The following NCKAP5 variants were observed in gnomAD, a reference collection of about 807,000 sequenced individuals.
NCKAP5 encodes the protein NCK associated protein 5.
NCKAP5 carries 92 observed loss-of-function variants against 167.0 expected under a neutral mutation model. The observed-to-expected ratio is 0.55, with a 90% CI of 0.47 to 0.66. The LOEUF (loss-of-function observed/expected upper bound fraction) is 0.66. Ranked by LOEUF, NCKAP5 falls within the 30% of genes least tolerant of loss-of-function variation. The probability of loss-of-function intolerance (pLI) is 0.00; values close to 1 mark genes in which losing one functional copy is unlikely to be tolerated. For synonymous variants in NCKAP5, 891 were observed against 877.4 expected (o/e 1.02, Z -0.27); for missense variants, 2,378 against 2,315.0 (o/e 1.03, Z -0.56).
At chr2:133,299,558 C>A (rs977748330) in intron 4 of NCKAP5, among the ~76,000 whole-genome samples, 7 of 152,050 alleles carry the variant, frequency 4.6e-5, no homozygotes, top group Non-Finnish European at 1.0e-4. Context: ...ACCAGCCTGG[C>A]CAACATGGTG....
chr2:132,802,787 G>A (rs1042513310), intron 11 of NCKAP5, among the ~76,000 whole-genome samples: 9 of 152,162 alleles, frequency 5.9e-5, no homozygotes, highest in Admixed American at 1.3e-4. Flanking sequence ...CAATTTTTCT[G>A]TAGAAGCCAA....
chr2:133,526,237 G>GAAGGA (rs1684893309), intron 2 of NCKAP5, among the ~76,000 whole-genome samples: 2 of 46,724 alleles, frequency 4.3e-5, no homozygotes, highest in African/African-American at 1.0e-4. Context: ...GAAAGGAAAG[G>GAAGGA]AGGGAGGGAA....
Position 132,892,945 on chromosome 2 carries a change from T to C in NCKAP5, c.580-14029A>G, listed in dbSNP as rs142970969. ...AGGTAATTCAGGTCAGGAAAAAGAC[T>C]GAGAATTTCTCTAGAAATAGGAATT... On this transcript the variant is annotated intron_variant, in intron 8 of 19. Transcript: ENST00000409261. Among the ~76,000 whole-genome samples the C allele has an allele frequency of 5.5e-3, 791 of 144,452 alleles. 13 individuals carry two copies. The highest frequency in any genetic ancestry group is 0.019 in the African/African-American group (754 of 38,832). 94.8% of individuals were successfully genotyped at this position (144,452 alleles called of 152,430 possible).
chr2:133,336,656 G>T (rs369429165), intron 3 of NCKAP5, among the ~76,000 whole-genome samples: 1 of 152,046 alleles, frequency 6.6e-6, no homozygotes, highest in Admixed American at 6.6e-5. Context: ...ACCAAATTTG[G>T]TAAAATAAAA....
chr2:132,930,590 C>G (rs971149301), intron 8 of NCKAP5: 2 of 152,194 alleles, frequency 1.3e-5, no homozygotes, highest in African/African-American at 4.8e-5. Context: ...TTACCAGTGG[C>G]CTCCCAGTTC....
At chr2:133,585,056 A>T in the NCKAP5 span, among the ~76,000 whole-genome samples, 2 of 152,126 alleles carry the variant, frequency 1.3e-5, no homozygotes, top group Non-Finnish European at 2.9e-5. Context: ...TAATTGTGAG[A>T]TGACAAATTT....
chr2:132,857,687 G>A lies in NCKAP5; in HGVS notation c.807+2805C>T, dbSNP rs568467235. On this transcript the variant is annotated intron_variant, in intron 11 of 19. Coordinates refer to ENST00000409261, the MANE Select transcript of NCKAP5 (RefSeq NM_207363.3). ...CCAATGTTGATTTTAATATGGAGGG[G>A]GGTCTTGTTAATCTGATTTATTGCC... Among the ~76,000 whole-genome samples, 3 of 152,256 alleles carry A rather than the reference G, an allele frequency of 2.0e-5. No homozygotes were observed. The South Asian group carries it at 6.2e-4, about 32-fold the overall frequency.
intron 3 of NCKAP5, among the ~76,000 whole-genome samples, chr2:133,329,528 G>C (rs1682687682): frequency 6.6e-6 from 1 of 152,096 alleles, no homozygotes; most frequent in Non-Finnish European, 1.5e-5. Flanking sequence ...GACAAAAGTG[G>C]GGGGTATTGA....
chr2:133,625,625 C>T, the NCKAP5 span, among the ~76,000 whole-genome samples: 1 of 152,124 alleles, frequency 6.6e-6, no homozygotes, highest in African/African-American at 2.4e-5. Flanking sequence ...TAATAAGTCA[C>T]TTTGGGAGGC....
chr2:133,643,181 C>G, the NCKAP5 span, among the ~76,000 whole-genome samples: 1 of 152,170 alleles, frequency 6.6e-6, no homozygotes, highest in South Asian at 2.1e-4. Context: ...TGTTCATCAA[C>G]AAGTCTGCAC....
chr2:132,727,502 A>G (rs1021191786), intron 18 of NCKAP5, among the ~76,000 whole-genome samples: 1 of 152,226 alleles, frequency 6.6e-6, no homozygotes, highest in Non-Finnish European at 1.5e-5. Flanking sequence ...CTTACTCCGT[A>G]TATGCCAAAT....
intron 3 of NCKAP5, among the ~76,000 whole-genome samples, chr2:133,368,639 T>A (rs1685601141): frequency 6.6e-6 from 1 of 152,232 alleles, no homozygotes; most frequent in Non-Finnish European, 1.5e-5. Context: ...TCTCCATTTC[T>A]CCAGGCTGCA....
intron 3 of NCKAP5, among the ~76,000 whole-genome samples, chr2:133,392,426 C>T (rs1176566196): frequency 6.6e-6 from 1 of 152,144 alleles, no homozygotes; most frequent in African/African-American, 2.4e-5. Flanking sequence ...TGATGCATTT[C>T]TCAGAATACA....
intron 11 of NCKAP5, among the ~76,000 whole-genome samples, chr2:132,821,256 G>T (rs909415218): frequency 2.6e-5 from 4 of 152,168 alleles, no homozygotes; most frequent in Non-Finnish European, 5.9e-5. Flanking sequence ...TCCCCACTGG[G>T]GAATCTGAAA....
In NCKAP5 at chr2:132,782,164, T is replaced by A; in HGVS notation, c.4647A>T (p.Ser1549=). ...GCTTCTTTTTCTCTTTTTTTCTTTC[T>A]GATTTTAGTTGTCTGTTTCCAAACC... ...VLGFGNRQLK[S]ERKKEKKKPE... The change falls in exon 14 of 20, where the codon TCA becomes TCT. Residue 1549 remains serine, a synonymous_variant. Transcript: ENST00000409261. 1 of 1,608,784 alleles carries A rather than the reference T, an allele frequency of 6.2e-7. No homozygotes were observed. The highest frequency in any genetic ancestry group is 8.5e-7 in the Non-Finnish European group (1 of 1,178,770).
chr2:133,117,279 G>GATAACT (rs1487236092), intron 6 of NCKAP5: 2 of 152,316 alleles, frequency 1.3e-5, no homozygotes, highest in East Asian at 3.9e-4. Flanking sequence ...AAATAAATGA[G>GATAACT]ATAACTGTTC....
intron 6 of NCKAP5, among the ~76,000 whole-genome samples, chr2:133,129,361 T>G (rs1450163510): frequency 2.6e-5 from 4 of 152,118 alleles, no homozygotes; most frequent in African/African-American, 9.7e-5. Flanking sequence ...TTTTTTGTCC[T>G]TGTGATAGTT....
intron 19 of NCKAP5, among the ~76,000 whole-genome samples, chr2:132,674,619 G>A (rs1298521820): frequency 6.6e-6 from 1 of 152,152 alleles, no homozygotes; most frequent in Non-Finnish European, 1.5e-5. Context: ...TGAGGAAACT[G>A]TCTTTTGATT....
intron 3 of NCKAP5, among the ~76,000 whole-genome samples, chr2:133,397,432 A>C (rs1687800309): frequency 6.6e-6 from 1 of 152,234 alleles, no homozygotes; most frequent in African/African-American, 2.4e-5. Context: ...CTTCATGTTA[A>C]GCACCTTCTC....
Sources: gnomAD v4.1 joint callset for allele counts (sites outside exome capture counted in the v4.1 genomes callset) on GRCh38, gnomAD v4.1.1 for gene constraint, MANE v1.5 for transcripts, NCBI Gene and HGNC (gene_info 2026-07-23, HGNC 2026-07-21) for gene names.